GAB1: variants seen among roughly 807,000 people sequenced by gnomAD.
GAB1 encodes GRB2 associated binding protein 1.
A neutral mutation model predicts 66.5 loss-of-function variants in GAB1; 19 were observed. The observed-to-expected ratio is 0.29, with a 90% confidence interval of 0.20 to 0.42. The LOEUF (loss-of-function observed/expected upper bound fraction) is 0.42, where lower values mean the gene tolerates loss of function less well. GAB1 is among the 10% of genes least tolerant of loss of function. The pLI is 1.00. For synonymous variants in GAB1, 294 were observed against 301.4 expected (o/e 0.98, Z 0.25); for missense variants, 732 against 858.5 (o/e 0.85, Z 1.84).
At chr4:143,351,378 A>T (rs914019211) in intron 1 of GAB1, among the ~76,000 whole-genome samples, 1 of 152,010 alleles carries the variant, frequency 6.6e-6, no homozygotes, top group African/African-American at 2.4e-5. Flanking sequence ...CTCCGGCCAT[A>T]CCCCGAGTTG....
chr4:143,432,404 G>T (rs557883072), intron 2 of GAB1, among the ~76,000 whole-genome samples: 1 of 152,252 alleles, frequency 6.6e-6, no homozygotes, highest in South Asian at 2.1e-4. Context: ...GTTTTGTCAC[G>T]TGACCAGGAA....
intron 1 of GAB1, among the ~76,000 whole-genome samples, chr4:143,387,246 C>T (rs1560733682): frequency 1.3e-5 from 2 of 152,208 alleles, no homozygotes; most frequent in Admixed American, 6.5e-5. Context: ...ATTCTCCTGC[C>T]TCAGCCTCCC....
chr4:143,439,573 A>T (rs528190611), intron 4 of GAB1: 2 of 453,990 alleles, frequency 4.4e-6, no homozygotes, highest in East Asian at 6.9e-5. Context: ...ATTCACTCAC[A>T]CTCAAAATTA....
chr4:143,399,265 A>C (rs1413896156), intron 1 of GAB1, among the ~76,000 whole-genome samples: 1 of 152,246 alleles, frequency 6.6e-6, no homozygotes. Flanking sequence ...ACCTAGATGC[A>C]ATCAAAGATG....
chr4:143,457,035 T>C (rs1196867885), intron 6 of GAB1, among the ~76,000 whole-genome samples: 2 of 152,200 alleles, frequency 1.3e-5, no homozygotes, highest in Admixed American at 1.3e-4. Flanking sequence ...ATGTAATTCT[T>C]GCAAGATGAA....
chr4:143,349,986 A>G lies in GAB1; in HGVS notation c.72+12726A>G. The G allele has an allele frequency of 3.2e-6, 5 of 1,584,038 alleles. No individual in the cohort carries two copies. The South Asian group carries it at 4.5e-5, about 14-fold the overall frequency. ...ACTTGGTGACGGGCATCCACTCCTTATCCTCGGCCTTGCCTCCGCGACCCC... is the reference window on the plus strand; with the variant it reads ...ACTTGGTGACGGGCATCCACTCCTTGTCCTCGGCCTTGCCTCCGCGACCCC... On this transcript the variant is annotated intron_variant, in intron 1 of 9. Coordinates refer to ENST00000262994, the MANE Select transcript of GAB1 (RefSeq NM_002039.4).
At chr4:143,427,436 A>G (rs1733422252) in intron 2 of GAB1, among the ~76,000 whole-genome samples, 1 of 152,020 alleles carries the variant, frequency 6.6e-6, no homozygotes, top group African/African-American at 2.4e-5. Flanking sequence ...TATTAAAAAC[A>G]TGTATGAAAA....
chr4:143,464,363 G>C (rs1030260691), intron 8 of GAB1, among the ~76,000 whole-genome samples: 1 of 151,952 alleles, frequency 6.6e-6, no homozygotes, highest in Non-Finnish European at 1.5e-5. Context: ...CAAGTAGCTG[G>C]GATTACAGGT....
intron 1 of GAB1, among the ~76,000 whole-genome samples, chr4:143,405,017 T>G (rs765939164): frequency 3.3e-5 from 5 of 152,218 alleles, no homozygotes; most frequent in South Asian, 2.1e-4. Flanking sequence ...ATTTGAGAGA[T>G]AACATGAATT....
chr4:143,425,025 G>C, intron 2 of GAB1: 1 of 735,698 alleles, frequency 1.4e-6, no homozygotes, highest in East Asian at 2.7e-5. Context: ...CTGGATTCCC[G>C]TTGTAACTTA....
At chr4:143,349,886 A>C in intron 1 of GAB1, 1 of 1,574,264 alleles carries the variant, frequency 6.4e-7, no homozygotes, top group Non-Finnish European at 8.6e-7. Flanking sequence ...ATGATCTCTG[A>C]TTCCTTAATG....
intron 1 of GAB1, among the ~76,000 whole-genome samples, chr4:143,363,768 T>C (rs1017418274): frequency 2.0e-5 from 3 of 152,172 alleles, no homozygotes; most frequent in African/African-American, 7.2e-5. Flanking sequence ...TAGTTTCTTG[T>C]TTTTTAATGC....
intron 1 of GAB1, among the ~76,000 whole-genome samples, chr4:143,359,760 C>T (rs1729592530): frequency 6.6e-6 from 1 of 152,194 alleles, no homozygotes; most frequent in Non-Finnish European, 1.5e-5. Flanking sequence ...TACTGGGTCT[C>T]TCTGAGATTT....
intron 1 of GAB1, among the ~76,000 whole-genome samples, chr4:143,407,512 A>G (rs1732114144): frequency 6.6e-6 from 1 of 152,142 alleles, no homozygotes; most frequent in African/African-American, 2.4e-5. Flanking sequence ...TAATATCTTA[A>G]GTTTATGGAA....
At chr4:143,341,321 A>G (rs1728817209) in intron 1 of GAB1, among the ~76,000 whole-genome samples, 1 of 152,252 alleles carries the variant, frequency 6.6e-6, no homozygotes, top group Non-Finnish European at 1.5e-5. Context: ...TTAAAGAATT[A>G]TTTAAAGAAA....
At chr4:143,342,432 C>T (rs1028889987) in intron 1 of GAB1, among the ~76,000 whole-genome samples, 4 of 151,132 alleles carry the variant, frequency 2.6e-5, no homozygotes, top group Admixed American at 6.6e-5. Context: ...GAGTAAAACA[C>T]ACAGCGTTTT....
At chr4:143,440,704 A>C (rs574598911) in intron 6 of GAB1, among the ~76,000 whole-genome samples, 1 of 152,298 alleles carries the variant, frequency 6.6e-6, no homozygotes, top group African/African-American at 2.4e-5. Flanking sequence ...GGAGTAACTA[A>C]CCTACACTGC....
chr4:143,337,281 C>T (rs564593551), intron 1 of GAB1, 21 bp downstream of exon 1: 8 of 1,561,994 alleles, frequency 5.1e-6, no homozygotes, highest in Admixed American at 1.9e-5. Flanking sequence ...CTGCGGGCAC[C>T]ACTCCGCGGG....
intron 8 of GAB1, among the ~76,000 whole-genome samples, chr4:143,462,445 A>C (rs1445795335): frequency 6.6e-6 from 1 of 152,060 alleles, no homozygotes; most frequent in Non-Finnish European, 1.5e-5. Context: ...ATAGCCATAA[A>C]AATTTTGGAA....
Sources: gnomAD v4.1 joint callset for allele counts (sites outside exome capture counted in the v4.1 genomes callset) on GRCh38, gnomAD v4.1.1 for gene constraint, MANE v1.5 for transcripts, NCBI Gene and HGNC (gene_info 2026-07-23, HGNC 2026-07-21) for gene names.